CNBD1: variants seen among roughly 807,000 people sequenced by gnomAD.
The protein encoded by CNBD1 is cyclic nucleotide-binding domain-containing protein 1.
In CNBD1, 71 loss-of-function variants were observed where a neutral mutation model predicts 54.4. The observed-to-expected ratio is 1.30, with a 90% CI of 1.08 to 1.59. The LOEUF is 1.59. CNBD1 is among the 40% of genes most tolerant of loss of function. CNBD1 has a pLI of 0.00. For missense variants in CNBD1, 659 were observed against 518.0 expected, an observed-to-expected ratio of 1.27 and a Z score of -2.64; for synonymous variants, 182 against 170.7, an observed-to-expected ratio of 1.07 and a Z score of -0.51.
chr8:87,163,596 A>T lies in CNBD1; in HGVS notation c.432-42397A>T, dbSNP rs948727659. Among the ~76,000 whole-genome samples, 61 of 151,748 alleles carry T rather than the reference A, an allele frequency of 4.0e-4. No individual in the cohort carries two copies. Among genetic ancestry groups the T allele is most frequent in the African/African-American group, 1.3e-3 (55 of 41,458 alleles). ...GCTGTTGTAATTGACATTTTTTAAA[A>T]TTTCTTTTTTTCAGATATTTTGTTA... On this transcript the variant is annotated intron_variant, in intron 4 of 10. Coordinates refer to ENST00000518476, the MANE Select transcript of CNBD1 (RefSeq NM_173538.3). The surrounding 1 kb of genome is among the most constrained non-coding windows in gnomAD (Gnocchi z 4.5).
At chr8:87,205,680 T>C (rs957494949) in intron 4 of CNBD1, among the ~76,000 whole-genome samples, 1 of 152,092 alleles carries the variant, frequency 6.6e-6, no homozygotes, top group African/African-American at 2.4e-5. Context: ...TGATAAGAGA[T>C]GCAACTTTAC....
At chr8:87,214,394 C>G (rs867386981) in intron 5 of CNBD1, among the ~76,000 whole-genome samples, 7 of 152,104 alleles carry the variant, frequency 4.6e-5, no homozygotes, top group Admixed American at 2.0e-4. Flanking sequence ...AGTTATTTAT[C>G]TCCATCTGAG....
intron 1 of CNBD1, among the ~76,000 whole-genome samples, chr8:86,882,259 A>G (rs1470284128): frequency 1.3e-5 from 2 of 152,064 alleles, no homozygotes; most frequent in East Asian, 1.9e-4. Flanking sequence ...TGGGAGAAAA[A>G]TTTTGCAAAC....
intron 6 of CNBD1, among the ~76,000 whole-genome samples, chr8:87,262,927 G>A (rs1036383627): frequency 2.0e-5 from 3 of 152,090 alleles, no homozygotes; most frequent in African/African-American, 4.8e-5. Flanking sequence ...GTGGGAATGG[G>A]TAGAAATGCA....
intron 4 of CNBD1, among the ~76,000 whole-genome samples, chr8:87,134,594 C>CTTTTTTTTTTTTTTTT (rs1167232265): frequency 1.1e-5 from 1 of 86,964 alleles, no homozygotes; most frequent in African/African-American, 4.3e-5. Flanking sequence ...ATTAGATTAC[C>CTTTTTTTTTTTTTTTT]TTTTTTTTTT....
intron 8 of CNBD1, among the ~76,000 whole-genome samples, chr8:87,341,377 A>G (rs1167889093): frequency 6.6e-6 from 1 of 152,048 alleles, no homozygotes; most frequent in East Asian, 1.9e-4. Flanking sequence ...CATTGAATGT[A>G]TGTTTCAGTC....
chr8:87,106,522 T>C lies in CNBD1; in HGVS notation c.432-99471T>C, dbSNP rs138299417. Among the ~76,000 whole-genome samples the C allele has an allele frequency of 2.0e-5, 3 of 152,356 alleles. No individual in the cohort carries two copies. In the East Asian group the frequency reaches 5.8e-4, roughly 29 times the overall value. On this transcript the variant is annotated intron_variant, in intron 4 of 10. Coordinates refer to ENST00000518476, the MANE Select transcript of CNBD1 (RefSeq NM_173538.3). ...CACTGCACTCAGACAATATTCGATG[T>C]TTCTATAGATAATTCAGTTACTTTA...
At chr8:87,004,891 A>G (rs1302052070) in intron 4 of CNBD1, among the ~76,000 whole-genome samples, 3 of 152,178 alleles carry the variant, frequency 2.0e-5, no homozygotes, top group Non-Finnish European at 4.4e-5. Flanking sequence ...GATACTTTAA[A>G]ATACCACTGA....
At chr8:87,112,304 A>G (rs1007360431) in intron 4 of CNBD1, among the ~76,000 whole-genome samples, 2 of 152,070 alleles carry the variant, frequency 1.3e-5, no homozygotes, top group African/African-American at 2.4e-5. Context: ...GTTTTTGCCA[A>G]CCTTTCATCT....
At chr8:86,936,614 G>A (rs35619624) in intron 3 of CNBD1, among the ~76,000 whole-genome samples, 83,917 of 151,548 alleles carry the variant, frequency 0.55, 23,434 homozygotes, top group South Asian at 0.6. Context: ...GTGGTGGTAG[G>A]CGCCTGTAGT....
chr8:87,295,397 TGTAAAGTTAAA>T (rs1203908724), intron 8 of CNBD1, among the ~76,000 whole-genome samples: 13 of 151,964 alleles, frequency 8.6e-5, no homozygotes, highest in South Asian at 2.1e-4. Flanking sequence ...ATATTAGTTA[TGTAAAGTTAAA>T]GTACTGCTTA....
intron 3 of CNBD1, among the ~76,000 whole-genome samples, chr8:86,921,838 T>C (rs1809279992): frequency 6.6e-6 from 1 of 152,130 alleles, no homozygotes; most frequent in Non-Finnish European, 1.5e-5. Context: ...TAAGACAATA[T>C]ACACTGAGCA....
At chr8:87,279,495 A>G (rs1220203881) in intron 6 of CNBD1, among the ~76,000 whole-genome samples, 1 of 151,450 alleles carries the variant, frequency 6.6e-6, no homozygotes, top group African/African-American at 2.4e-5. Context: ...TACCCACCTT[A>G]TTAGAAGGAT....
intron 5 of CNBD1, among the ~76,000 whole-genome samples, chr8:87,230,091 A>T (rs2130819493): frequency 6.6e-6 from 1 of 152,304 alleles, no homozygotes; most frequent in African/African-American, 2.4e-5. Flanking sequence ...GGGAGCCAAG[A>T]CTTTATATAG....
intron 6 of CNBD1, among the ~76,000 whole-genome samples, chr8:87,252,017 T>C (rs1020090240): frequency 6.6e-6 from 1 of 152,106 alleles, no homozygotes; most frequent in African/African-American, 2.4e-5. Flanking sequence ...CCCACATAAA[T>C]TGATAAGAAT....
At chr8:86,914,754 C>G (rs1563820202) in intron 3 of CNBD1, among the ~76,000 whole-genome samples, 5 of 152,010 alleles carry the variant, frequency 3.3e-5, no homozygotes, top group Admixed American at 2.6e-4. Context: ...ATATACTTAA[C>G]AAAATCAATA....
chr8:87,080,514 T>A (rs1317414121), intron 4 of CNBD1, among the ~76,000 whole-genome samples: 3 of 151,254 alleles, frequency 2.0e-5, no homozygotes, highest in African/African-American at 7.3e-5. Context: ...GAGGTTGCAG[T>A]GAGCCAAGAT....
intron 10 of CNBD1, among the ~76,000 whole-genome samples, chr8:87,373,156 G>T (rs1030014014): frequency 6.6e-6 from 1 of 151,586 alleles, no homozygotes; most frequent in African/African-American, 2.4e-5. Context: ...TTTAATTATT[G>T]GCTCTTATTT....
At chr8:87,301,327 C>A (rs1487736083) in intron 8 of CNBD1, among the ~76,000 whole-genome samples, 2 of 151,976 alleles carry the variant, frequency 1.3e-5, no homozygotes, top group African/African-American at 4.8e-5. Context: ...AAAGAAAGAA[C>A]CCTCCTTAAT....
Sources: allele counts gnomAD v4.1 joint callset (sites outside exome capture counted in the v4.1 genomes callset), GRCh38; gene constraint gnomAD v4.1.1; non-coding constraint Gnocchi (gnomAD v3.1); transcripts MANE v1.5; gene names NCBI Gene and HGNC (gene_info 2026-07-23, HGNC 2026-07-21).